ARL15: variants seen among roughly 807,000 people sequenced by gnomAD.
ARL15 encodes the protein ADP-ribosylation factor-like protein 15.
ARL15 carries 19 observed loss-of-function variants against 25.2 expected under a neutral mutation model. That is an observed-to-expected ratio of 0.75 (90% confidence interval 0.53 to 1.10). ARL15 has a LOEUF of 1.10. Among genes scored for constraint, ARL15 ranks in the 50% least tolerant of loss-of-function variants. The pLI, the probability that ARL15 is intolerant of heterozygous loss-of-function variation, is 0.00. For synonymous variants in ARL15, 94 were observed against 86.8 expected, an observed-to-expected ratio of 1.08 and a Z score of -0.46; for missense variants, 220 against 246.0, an observed-to-expected ratio of 0.89 and a Z score of 0.71.
At chr5:54,223,762 A>G (rs973700461) in intron 1 of ARL15, among the ~76,000 whole-genome samples, 1 of 152,214 alleles carries the variant, frequency 6.6e-6, no homozygotes, top group African/African-American at 2.4e-5. Flanking sequence ...TGAAAAATTT[A>G]CAATCTACCT....
intron 1 of ARL15, among the ~76,000 whole-genome samples, chr5:54,264,889 C>A (rs1476742607): frequency 6.6e-6 from 1 of 152,184 alleles, no homozygotes; most frequent in Non-Finnish European, 1.5e-5. Flanking sequence ...ATCTAACATA[C>A]AATATGTAGT....
intron 3 of ARL15, among the ~76,000 whole-genome samples, chr5:54,119,895 C>A (rs908397672): frequency 1.3e-5 from 2 of 152,154 alleles, no homozygotes; most frequent in African/African-American, 4.8e-5. Flanking sequence ...GGAATAATTT[C>A]TAAAAATCTT....
At chr5:54,300,317 G>C (rs1003053235) in intron 1 of ARL15, among the ~76,000 whole-genome samples, 5 of 152,212 alleles carry the variant, frequency 3.3e-5, no homozygotes, top group African/African-American at 9.6e-5. Context: ...GAGAAGTCCA[G>C]CTATCTTGAG....
chr5:54,019,388 T>G (rs749397712), intron 4 of ARL15, among the ~76,000 whole-genome samples: 5 of 152,212 alleles, frequency 3.3e-5, no homozygotes, highest in Non-Finnish European at 5.9e-5. Context: ...ACATTATTAT[T>G]TCGGAAGCTT....
intron 1 of ARL15, among the ~76,000 whole-genome samples, chr5:54,281,795 T>C (rs1346189002): frequency 3.3e-5 from 5 of 152,216 alleles, no homozygotes; most frequent in Non-Finnish European, 7.3e-5. Context: ...AGAAATGAAA[T>C]TGTACTCCAT....
chr5:54,019,167 T>G (rs1170782930), intron 4 of ARL15, among the ~76,000 whole-genome samples: 1 of 151,944 alleles, frequency 6.6e-6, no homozygotes, highest in African/African-American at 2.4e-5. Context: ...TAAACAGGTT[T>G]TTTTTTTTTC....
chr5:54,277,173 ATT>A (rs1208509490), intron 1 of ARL15, among the ~76,000 whole-genome samples: 2 of 152,232 alleles, frequency 1.3e-5, no homozygotes, highest in East Asian at 1.9e-4. Context: ...TATTAATAAT[ATT>A]GTTACTAATA....
intron 4 of ARL15, among the ~76,000 whole-genome samples, chr5:54,055,147 A>G (rs185298185): frequency 2.9e-4 from 44 of 152,080 alleles, no homozygotes; most frequent in Admixed American, 4.6e-4. Flanking sequence ...GTCAAATCCC[A>G]TTTCTTGCCA....
chr5:54,247,321 G>T (rs2112589656), intron 1 of ARL15, among the ~76,000 whole-genome samples: 1 of 151,618 alleles, frequency 6.6e-6, no homozygotes. Context: ...ATTTATGTCT[G>T]TTTCCTGTTT....
chr5:53,922,714 G>A (rs1344542433), intron 4 of ARL15, among the ~76,000 whole-genome samples: 1 of 152,224 alleles, frequency 6.6e-6, no homozygotes, highest in East Asian at 1.9e-4. Flanking sequence ...TGGTACATCT[G>A]TAGTGATGTA....
chr5:53,969,432 T>C (rs1007909602), intron 4 of ARL15, among the ~76,000 whole-genome samples: 2 of 152,200 alleles, frequency 1.3e-5, no homozygotes, highest in African/African-American at 4.8e-5. Context: ...TAGTTTTTCT[T>C]TTTGTGTCTA....
At chr5:54,103,279 C>G (rs560064512) in intron 4 of ARL15, among the ~76,000 whole-genome samples, 156 of 152,046 alleles carry the variant, frequency 1.0e-3, no homozygotes, top group African/African-American at 3.6e-3. Flanking sequence ...CAGCAAAGAC[C>G]ATAACAGGCC....
At chr5:53,930,853 T>C (rs1242534475) in intron 4 of ARL15, among the ~76,000 whole-genome samples, 1 of 152,220 alleles carries the variant, frequency 6.6e-6, no homozygotes, top group East Asian at 1.9e-4. Flanking sequence ...CAGTTTGAAA[T>C]AGAAGTAGTT....
At chr5:53,934,343 A>G (rs1006934929) in intron 4 of ARL15, among the ~76,000 whole-genome samples, 1 of 152,208 alleles carries the variant, frequency 6.6e-6, no homozygotes, top group Non-Finnish European at 1.5e-5. Context: ...TCATTTCATG[A>G]GAAATCTTAA....
At chr5:54,141,501 T>C (rs1020543408) in intron 3 of ARL15, among the ~76,000 whole-genome samples, 4 of 152,182 alleles carry the variant, frequency 2.6e-5, no homozygotes, top group Non-Finnish European at 5.9e-5. Context: ...GAGTATCTTT[T>C]AATTTTGCAA....
At chr5:54,178,331 C>T (rs1754946348) in intron 1 of ARL15, among the ~76,000 whole-genome samples, 1 of 152,172 alleles carries the variant, frequency 6.6e-6, no homozygotes, top group Non-Finnish European at 1.5e-5. Context: ...TGTATAGTTG[C>T]TGGAAACTTT....
chr5:54,246,615 C>A (rs1028044390), intron 1 of ARL15, among the ~76,000 whole-genome samples: 2 of 152,148 alleles, frequency 1.3e-5, no homozygotes, highest in Non-Finnish European at 2.9e-5. Context: ...ACTCAACACA[C>A]ATGATACACA....
At chr5:53,994,952 G>C (rs1416837528) in intron 4 of ARL15, among the ~76,000 whole-genome samples, 1 of 152,042 alleles carries the variant, frequency 6.6e-6, no homozygotes, top group Non-Finnish European at 1.5e-5. Flanking sequence ...TGGAATTACA[G>C]GCATAAGCCA....
intron 1 of ARL15, among the ~76,000 whole-genome samples, chr5:54,261,706 T>C (rs575022429): frequency 1.2e-4 from 19 of 152,244 alleles, no homozygotes; most frequent in South Asian, 1.0e-3. Flanking sequence ...GATAAGTGAA[T>C]GCTTCCATAC....
Sources: allele counts gnomAD v4.1 joint callset (sites outside exome capture counted in the v4.1 genomes callset), GRCh38; gene constraint gnomAD v4.1.1; transcripts MANE v1.5; gene names NCBI Gene and HGNC (gene_info 2026-07-23, HGNC 2026-07-21).